RBFOX1: variants seen among roughly 807,000 people sequenced by gnomAD.
RBFOX1 encodes RNA binding protein fox-1 homolog 1.
A neutral mutation model predicts 57.7 loss-of-function variants in RBFOX1; 8 were observed. The observed-to-expected ratio is 0.14, with a 90% CI of 0.08 to 0.25. The LOEUF (loss-of-function observed/expected upper bound fraction) is 0.25, where lower values mean the gene tolerates loss of function less well. RBFOX1 is among the 10% of genes least tolerant of loss of function. The probability of loss-of-function intolerance (pLI) is 1.00; values close to 1 mark genes in which losing one functional copy is unlikely to be tolerated. For missense variants in RBFOX1, 611 were observed against 548.5 expected (o/e 1.11, Z -1.14); for synonymous variants, 326 against 222.4 (o/e 1.47, Z -4.15).
chr16:6,110,529 C>A (rs1230057602), intron 1 of RBFOX1, among the ~76,000 whole-genome samples: 1 of 152,110 alleles, frequency 6.6e-6, no homozygotes, highest in Non-Finnish European at 1.5e-5. Flanking sequence ...CAGATTAAAA[C>A]AACTACCCGC....
intron 1 of RBFOX1, chr16:6,038,334 A>G (rs1182719442): frequency 6.7e-6 from 1 of 149,996 alleles, no homozygotes; most frequent in Non-Finnish European, 1.5e-5. Context: ...GGCGTGCACC[A>G]TCACACCCAG....
At chr16:7,352,928 C>T (rs2146078133) in intron 4 of RBFOX1, among the ~76,000 whole-genome samples, 1 of 152,184 alleles carries the variant, frequency 6.6e-6, no homozygotes, top group Non-Finnish European at 1.5e-5. Context: ...GTTGCCTACG[C>T]TGGTATCGAA....
At chr16:7,247,657 A>G (rs1055114805) in intron 4 of RBFOX1, among the ~76,000 whole-genome samples, 1 of 152,236 alleles carries the variant, frequency 6.6e-6, no homozygotes, top group Non-Finnish European at 1.5e-5. Context: ...TACATTAGTG[A>G]CTGCTTGTCA....
chr16:6,680,795 C>T (rs969490477), intron 3 of RBFOX1, among the ~76,000 whole-genome samples: 2 of 152,090 alleles, frequency 1.3e-5, no homozygotes, highest in Non-Finnish European at 2.9e-5. Flanking sequence ...CTTTGCAAAC[C>T]ATTTTTTAAA....
intron 3 of RBFOX1, among the ~76,000 whole-genome samples, chr16:5,701,607 A>AT (rs992125803): frequency 4.0e-5 from 6 of 151,810 alleles, no homozygotes; most frequent in African/African-American, 7.3e-5. Context: ...TATTTTTTGT[A>AT]TTTTTTTGTA....
intron 3 of RBFOX1, among the ~76,000 whole-genome samples, chr16:6,851,633 C>T (rs1027609468): frequency 2.0e-5 from 3 of 152,166 alleles, no homozygotes; most frequent in African/African-American, 7.2e-5. Flanking sequence ...CCTCTCAAGC[C>T]TCCTGTTGTC....
At chr16:6,584,105 G>C (rs894598185) in intron 2 of RBFOX1, among the ~76,000 whole-genome samples, 1 of 151,636 alleles carries the variant, frequency 6.6e-6, no homozygotes, top group Non-Finnish European at 1.5e-5. Context: ...AGAAAGAAAC[G>C]TAACCAAGTC....
At chr16:6,944,858 C>T (rs768879697) in intron 3 of RBFOX1, among the ~76,000 whole-genome samples, 11 of 152,246 alleles carry the variant, frequency 7.2e-5, no homozygotes, top group Admixed American at 5.9e-4. Flanking sequence ...TTAGCAACTC[C>T]AATTGATTGA....
chr16:6,992,780 T>A (rs898381116), intron 3 of RBFOX1, among the ~76,000 whole-genome samples: 3 of 150,052 alleles, frequency 2.0e-5, no homozygotes, highest in African/African-American at 4.9e-5. Flanking sequence ...CTAGAGTTTT[T>A]GTGTATCATG....
At chr16:7,561,490 C>T (rs1601845257) in intron 5 of RBFOX1, among the ~76,000 whole-genome samples, 3 of 152,254 alleles carry the variant, frequency 2.0e-5, no homozygotes, top group East Asian at 3.8e-4. Context: ...TACTGAGAAA[C>T]TCCGAAATAT....
chr16:6,043,716 A>G (rs2095466900), intron 1 of RBFOX1, among the ~76,000 whole-genome samples: 1 of 152,136 alleles, frequency 6.6e-6, no homozygotes, highest in Admixed American at 6.5e-5. Flanking sequence ...CTCTTTTCCC[A>G]GGAAGCCAGT....
chr16:5,626,928 A>C (rs9674437), intron 3 of RBFOX1, among the ~76,000 whole-genome samples: 20 of 152,026 alleles, frequency 1.3e-4, no homozygotes, highest in African/African-American at 4.6e-4. Context: ...GAACATCTAC[A>C]TTTCTGTTGG....
chr16:6,756,347 C>G (rs1389498174), intron 3 of RBFOX1, among the ~76,000 whole-genome samples: 1 of 152,006 alleles, frequency 6.6e-6, no homozygotes, highest in Non-Finnish European at 1.5e-5. Context: ...GATTGAAACC[C>G]AATACTATAA....
At chr16:6,318,060 CT>C (rs1174716096) in intron 2 of RBFOX1, among the ~76,000 whole-genome samples, 2 of 152,086 alleles carry the variant, frequency 1.3e-5, no homozygotes, top group Non-Finnish European at 2.9e-5. Context: ...TTCTTTTGCC[CT>C]CAGTGGGATT....
chr16:6,225,386 T>G (rs1334112085), intron 1 of RBFOX1, among the ~76,000 whole-genome samples: 1 of 152,134 alleles, frequency 6.6e-6, no homozygotes, highest in African/African-American at 2.4e-5. Flanking sequence ...AGAGAGAACT[T>G]GGTTATGAAG....
intron 1 of RBFOX1, among the ~76,000 whole-genome samples, chr16:6,301,693 A>G (rs1165265750): frequency 6.6e-6 from 1 of 152,138 alleles, no homozygotes; most frequent in Non-Finnish European, 1.5e-5. Context: ...TTTTATAAAA[A>G]CAGTTTAGGG....
chr16:7,584,556 G>A (rs1336254727), intron 6 of RBFOX1, among the ~76,000 whole-genome samples: 1 of 152,178 alleles, frequency 6.6e-6, no homozygotes, highest in Non-Finnish European at 1.5e-5. Context: ...CTCCCACAGT[G>A]CTGGGATTAC....
rs76052628 is a variant in RBFOX1, at chr16:6,893,496, A to G, written c.-15-158561A>G. On this transcript the variant is annotated intron_variant, in intron 3 of 15. Transcript: ENST00000550418. Reference sequence around the variant, plus strand: ...TGCGATAGAGAGGTCCCTTGTCAGTATCAACAGCTGGGGCTCTATGCTGAG... The same window carrying G: ...TGCGATAGAGAGGTCCCTTGTCAGTGTCAACAGCTGGGGCTCTATGCTGAG... 3.6e-4 allele frequency among the ~76,000 whole-genome samples: 55 copies of G among 152,280 alleles called. No individual in the cohort carries two copies. The East Asian group carries it at 9.3e-3, about 26-fold the overall frequency.
chr16:6,292,746 G>C (rs759788868), intron 1 of RBFOX1, among the ~76,000 whole-genome samples: 1 of 152,160 alleles, frequency 6.6e-6, no homozygotes, highest in Admixed American at 6.5e-5. Context: ...ACACATCCCT[G>C]TTACCAGCTC....
Sources: gnomAD v4.1 joint callset for allele counts (sites outside exome capture counted in the v4.1 genomes callset) on GRCh38, gnomAD v4.1.1 for gene constraint, MANE v1.5 for transcripts, NCBI Gene and HGNC (gene_info 2026-07-23, HGNC 2026-07-21) for gene names.